The following SLC35A1 variants were observed in gnomAD, a reference collection of about 807,000 sequenced individuals.
The protein encoded by SLC35A1 is solute carrier family 35 member A1, also known as CMP-sialic acid transporter.
Under a neutral mutation model 40.3 loss-of-function variants are expected in SLC35A1, and 21 were observed. That is an observed-to-expected ratio of 0.52 (90% CI 0.37 to 0.75). The LOEUF is 0.75. Ranked by LOEUF, SLC35A1 falls within the 30% of genes least tolerant of loss-of-function variation. SLC35A1 has a pLI of 0.00. For missense variants in SLC35A1, 297 were observed against 382.1 expected (o/e 0.78, Z 1.86); for synonymous variants, 146 against 147.3 (o/e 0.99, Z 0.06).
At chr6:87,500,767 A>C in intron 3 of SLC35A1, 100 bp downstream of exon 3, 1 of 962,700 alleles carries the variant, frequency 1.0e-6, no homozygotes, top group Non-Finnish European at 1.6e-6. Context: ...TTTTTTTTTG[A>C]GATGGAGTCT....
chr6:87,491,885 T>C (rs1240198224), intron 2 of SLC35A1, among the ~76,000 whole-genome samples: 1 of 152,200 alleles, frequency 6.6e-6, no homozygotes, highest in Non-Finnish European at 1.5e-5. Flanking sequence ...TCACTAAACC[T>C]AAGACCCTTC....
At chr6:87,490,580 C>T (rs1769519706) in intron 2 of SLC35A1, among the ~76,000 whole-genome samples, 1 of 151,902 alleles carries the variant, frequency 6.6e-6, no homozygotes, top group South Asian at 2.1e-4. Flanking sequence ...GATCCACCTG[C>T]CTCGGCCTCC....
In SLC35A1 at chr6:87,495,801, G is replaced by A. The variant is rs1325763969; in HGVS notation, c.195-4707G>A. ...CTCCCGAGTAGCTGGGACTACAGGTGCATGCCACCACGCCCGGCTAATTTT... is the reference window on the plus strand; with the variant it reads ...CTCCCGAGTAGCTGGGACTACAGGTACATGCCACCACGCCCGGCTAATTTT... On this transcript the variant is annotated intron_variant, in intron 2 of 7. Transcript: ENST00000369552. 2.0e-5 allele frequency among the ~76,000 whole-genome samples: 3 copies of A among 151,914 alleles called. No homozygotes were observed. The South Asian group carries it at 6.2e-4, about 32-fold the overall frequency.
At chr6:87,502,580 G>A (rs537847112) in intron 4 of SLC35A1, among the ~76,000 whole-genome samples, 1 of 152,320 alleles carries the variant, frequency 6.6e-6, no homozygotes, top group African/African-American at 2.4e-5. Context: ...TTGTAACACA[G>A]TGGTAAGTTT....
chr6:87,510,131 G>C (rs1770217030), intron 7 of SLC35A1, among the ~76,000 whole-genome samples: 1 of 152,138 alleles, frequency 6.6e-6, no homozygotes, highest in Non-Finnish European at 1.5e-5. Context: ...TGTAAAATGG[G>C]AATAATATCA....
chr6:87,506,146 T>C (rs958345846), intron 4 of SLC35A1, among the ~76,000 whole-genome samples: 3 of 152,208 alleles, frequency 2.0e-5, no homozygotes, highest in Non-Finnish European at 4.4e-5. Context: ...ACATATTATA[T>C]TAAGCATATA....
intron 3 of SLC35A1, among the ~76,000 whole-genome samples, 196 bp from the exon 4 acceptor site, chr6:87,500,962 T>G (rs753919375): frequency 6.6e-6 from 1 of 152,144 alleles, no homozygotes; most frequent in Non-Finnish European, 1.5e-5. Flanking sequence ...TTGGCCATGA[T>G]GGTCTTGATC....
At chr6:87,507,236 C>G (rs1342615093) in intron 5 of SLC35A1, among the ~76,000 whole-genome samples, 1 of 152,010 alleles carries the variant, frequency 6.6e-6, no homozygotes, top group Non-Finnish European at 1.5e-5. Flanking sequence ...GGAAAGCAGG[C>G]TGAATACAGA....
At position 87,493,093 on chromosome 6, in the gene SLC35A1, TC is replaced by T. The variant is rs144577871; in HGVS notation, c.195-7409del. ...ATTCTACTCTAGAAATTTCCCTTCT[TC>T]CCCCCTTTCTCTCCCTCTTTGTATT... is the stretch of plus-strand genomic sequence containing the variant. On this transcript the variant is annotated intron_variant, in intron 2 of 7. Transcript: ENST00000369552. Among the ~76,000 whole-genome samples, 1,210 of 152,154 alleles carry T rather than the reference TC, an allele frequency of 8.0e-3. 26 individuals are homozygous for T. The highest frequency in any genetic ancestry group is 0.028 in the African/African-American group (1,175 of 41,518).
intron 7 of SLC35A1, among the ~76,000 whole-genome samples, chr6:87,510,144 T>C (rs956117811): frequency 1.3e-5 from 2 of 152,200 alleles, no homozygotes; most frequent in African/African-American, 4.8e-5. Flanking sequence ...TAATATCACC[T>C]ATTGCCTAGT....
intron 5 of SLC35A1, 82 bp from the exon 6 acceptor site, chr6:87,508,313 CCCCAAATCATATACTTTATATATCT>C: frequency 1.3e-6 from 1 of 743,710 alleles, no homozygotes; most frequent in South Asian, 1.8e-5. Flanking sequence ...ATGTTTTGTT[CCCCAAATCATATACTTTATATATCT>C]CTAGGGTATT....
chr6:87,503,853 A>G (rs1242095137), intron 4 of SLC35A1, among the ~76,000 whole-genome samples: 1 of 152,180 alleles, frequency 6.6e-6, no homozygotes, highest in African/African-American at 2.4e-5. Context: ...GTGAAGTCAC[A>G]CTATTTTCCA....
chr6:87,482,417 A>G (rs1347871313), intron 2 of SLC35A1, among the ~76,000 whole-genome samples: 2 of 152,174 alleles, frequency 1.3e-5, no homozygotes, highest in African/African-American at 2.4e-5. Context: ...TGGTATTTCA[A>G]TTATCCTTTG....
In SLC35A1 at chr6:87,477,498, A is replaced by T. The variant is rs755498625; in HGVS notation, c.153A>T (p.Thr51=). The T allele has an allele frequency of 6.2e-6, 10 of 1,614,002 alleles. No homozygotes were observed. Among genetic ancestry groups the T allele is most frequent in the Non-Finnish European group, 8.5e-6 (10 of 1,179,978 alleles). Reference sequence around the variant, plus strand: ...TTTCAACCACAGCCGTGTGTATCACAGAAGTTATAAAGTTATTGCTAAGTG... The same window carrying T: ...TTTCAACCACAGCCGTGTGTATCACTGAAGTTATAAAGTTATTGCTAAGTG... ...LYFSTTAVCI[T]EVIKLLLSVG... The change falls in exon 2 of 8, where the codon ACA becomes ACT. Residue 51 remains threonine, a synonymous_variant. Coordinates refer to ENST00000369552, the MANE Select transcript of SLC35A1 (RefSeq NM_006416.5).
At chr6:87,490,210 T>A (rs2127968838) in intron 2 of SLC35A1, among the ~76,000 whole-genome samples, 1 of 151,880 alleles carries the variant, frequency 6.6e-6, no homozygotes, top group East Asian at 1.9e-4. Context: ...GCTTGGGGGA[T>A]AAAGTGAGCT....
At chr6:87,510,317 C>T (rs542945567) in intron 7 of SLC35A1, among the ~76,000 whole-genome samples, 18 of 152,096 alleles carry the variant, frequency 1.2e-4, no homozygotes, top group Non-Finnish European at 2.6e-4. Context: ...CAACAAAATC[C>T]TTATACCATT....
At position 87,511,809 on chromosome 6, in the gene SLC35A1, T is replaced by G. The variant is rs1263937943; in HGVS notation, c.*283T>G. The G allele has an allele frequency of 2.5e-6, 1 of 402,642 alleles. No individual in the cohort carries two copies. 24.9% of individuals were successfully genotyped at this position (402,642 alleles called of 1,614,324 possible). ...AATAAAAAGTATGGAGATGATACGG[T>G]GTTAAAAAAAATCATGGTAAGGCTA... On this transcript the variant is annotated 3_prime_UTR_variant, in exon 8 of 8. Coordinates refer to ENST00000369552, the MANE Select transcript of SLC35A1 (RefSeq NM_006416.5).
intron 2 of SLC35A1, among the ~76,000 whole-genome samples, chr6:87,489,565 G>A (rs1769484531): frequency 8.4e-6 from 1 of 118,942 alleles, no homozygotes; most frequent in African/African-American, 3.2e-5. Context: ...TTTTGTAGAT[G>A]GAGTCTTGCT....
At chr6:87,510,349 A>T (rs1403590370) in intron 7 of SLC35A1, among the ~76,000 whole-genome samples, 1 of 152,180 alleles carries the variant, frequency 6.6e-6, no homozygotes, top group Non-Finnish European at 1.5e-5. Flanking sequence ...ATATATAGGA[A>T]CAGTAGAAAA....
Sources: gnomAD v4.1 joint callset for allele counts (sites outside exome capture counted in the v4.1 genomes callset) on GRCh38, gnomAD v4.1.1 for gene constraint, MANE v1.5 for transcripts, NCBI Gene and HGNC (gene_info 2026-07-23, HGNC 2026-07-21) for gene names.